MPRIP: variants seen among roughly 807,000 people sequenced by gnomAD.
MPRIP encodes the protein myosin phosphatase Rho interacting protein.
MPRIP carries 59 observed loss-of-function variants against 234.9 expected under a neutral mutation model. The ratio of observed to expected loss-of-function variants is 0.25; its 90% confidence interval spans 0.20 to 0.31. MPRIP has a LOEUF of 0.31. MPRIP is among the 10% of genes least tolerant of loss of function. The pLI is 1.00. For missense variants in MPRIP, 2,436 were observed against 3,071.0 expected, an observed-to-expected ratio of 0.79 and a Z score of 4.89; for synonymous variants, 1,144 against 1,263.9, an observed-to-expected ratio of 0.91 and a Z score of 2.01.
intron 4 of MPRIP, among the ~76,000 whole-genome samples, chr17:17,130,989 G>A (rs950778070): frequency 1.1e-4 from 16 of 152,160 alleles, no homozygotes; most frequent in South Asian, 2.1e-4. Flanking sequence ...ATCCAGAGTC[G>A]TCCTGCTGGC....
chr17:17,063,596 C>T (rs975258008), intron 1 of MPRIP, among the ~76,000 whole-genome samples: 4 of 152,130 alleles, frequency 2.6e-5, no homozygotes, highest in Non-Finnish European at 4.4e-5. Flanking sequence ...TTGAGGCCTG[C>T]CCTCTTTGGT....
intron 3 of MPRIP, among the ~76,000 whole-genome samples, chr17:17,103,578 A>T (rs779149520): frequency 1.9e-4 from 29 of 151,850 alleles, no homozygotes; most frequent in Non-Finnish European, 3.4e-4. Flanking sequence ...TTTTGCTGTT[A>T]AAAAAAACTG....
At chr17:17,111,933 C>T (rs1173893533) in intron 3 of MPRIP, among the ~76,000 whole-genome samples, 1 of 152,114 alleles carries the variant, frequency 6.6e-6, no homozygotes, top group Non-Finnish European at 1.5e-5. Flanking sequence ...TTTAGCTTGC[C>T]CGACTGCTTG....
intron 3 of MPRIP, among the ~76,000 whole-genome samples, chr17:17,085,375 T>C (rs1351716197): frequency 2.0e-5 from 3 of 152,170 alleles, no homozygotes; most frequent in Non-Finnish European, 4.4e-5. Context: ...ACGAGCAAGG[T>C]ATGAGGGGCT....
intron 3 of MPRIP, among the ~76,000 whole-genome samples, chr17:17,091,841 G>A (rs1404963233): frequency 6.6e-6 from 1 of 152,206 alleles, no homozygotes; most frequent in Non-Finnish European, 1.5e-5. Context: ...ATTCCGAGAT[G>A]GAGAAGAGAA....
rs7223145 is a variant in MPRIP, at chr17:17,146,112, G to A, written c.1560+20G>A. The A allele has an allele frequency of 0.017, 28,086 of 1,612,324 alleles. 3,334 individuals are homozygous for A. In the African/African-American group the frequency reaches 0.29, roughly 17 times the overall value. ...GGCCAGGTGAGTGTGCAGGGTTGCC[G>A]TGGCCCCTGAGGGATCTGGGGACAG... On this transcript the variant is annotated intron_variant, in intron 10 of 23. Coordinates refer to ENST00000651222, the MANE Select transcript of MPRIP (RefSeq NM_001364716.4).
At chr17:17,051,813 C>T (rs2088550655) in intron 1 of MPRIP, among the ~76,000 whole-genome samples, 1 of 152,226 alleles carries the variant, frequency 6.6e-6, no homozygotes, top group Admixed American at 6.5e-5. Flanking sequence ...CAGTCAGGGT[C>T]ATCCTAGTTC....
intron 3 of MPRIP, among the ~76,000 whole-genome samples, chr17:17,109,106 C>G (rs1339951532): frequency 6.6e-6 from 1 of 152,252 alleles, no homozygotes; most frequent in Non-Finnish European, 1.5e-5. Flanking sequence ...CCCCTCCCTT[C>G]TTATCCAAAC....
At chr17:17,171,338 C>T (rs2046129693) in intron 16 of MPRIP, 1 of 182,908 alleles carries the variant, frequency 5.5e-6, no homozygotes, top group Admixed American at 5.5e-5. Flanking sequence ...CCTCTGCCCA[C>T]GTGCTCTCTC....
intron 2 of MPRIP, chr17:17,077,752 TAAAA>T (rs10560581): frequency 0.03 from 9,229 of 303,794 alleles, 67 homozygotes; most frequent in African/African-American, 0.065. Context: ...TTCCAAGTGT[TAAAA>T]AAAAAAAAAA....
rs1597705325 is a variant in MPRIP at position 17,045,806 on chromosome 17, A to AT, written c.123+2835_123+2836insT. 2.2e-5 allele frequency among the ~76,000 whole-genome samples: 3 copies of AT among 135,352 alleles called. No homozygotes were observed. The East Asian group carries it at 6.5e-4, about 29-fold the overall frequency. The allele number at this position is 135,352 out of a possible 152,430, so 88.8% of individuals were successfully genotyped here. ...CAGCGACATACGGACCCAAATATAC[A>AT]GTTTTTTTTTTTTTTTTGAGGCGGA... is the stretch of plus-strand genomic sequence containing the variant. On this transcript the variant is annotated intron_variant, in intron 1 of 23. Transcript: ENST00000651222.
intron 12 of MPRIP, among the ~76,000 whole-genome samples, chr17:17,153,563 A>T (rs1197193822): frequency 6.6e-6 from 1 of 151,338 alleles, no homozygotes. Flanking sequence ...CGCCCAAAAC[A>T]GGCTCCTCCC....
intron 4 of MPRIP, 84 bp from the exon 5 acceptor site, chr17:17,131,533 C>T (rs1182891117): frequency 2.5e-6 from 3 of 1,197,990 alleles, no homozygotes; most frequent in East Asian, 2.3e-5. Context: ...CTGCTCTACT[C>T]CTGGACCACC....
At chr17:17,143,428 G>A (rs2045375063) in intron 8 of MPRIP, 128 bp from the exon 9 acceptor site, 3 of 560,208 alleles carry the variant, frequency 5.4e-6, no homozygotes, top group Non-Finnish European at 9.1e-6. Context: ...ATGGTGGCTA[G>A]GCAGATCACT....
At chr17:17,124,577 G>A (rs1482048744) in intron 3 of MPRIP, among the ~76,000 whole-genome samples, 2 of 152,170 alleles carry the variant, frequency 1.3e-5, no homozygotes, top group Non-Finnish European at 2.9e-5. Context: ...CCTCCACAGT[G>A]GTTCCTTCAG....
At chr17:17,081,472 G>A (rs2089461186) in intron 3 of MPRIP, among the ~76,000 whole-genome samples, 1 of 152,230 alleles carries the variant, frequency 6.6e-6, no homozygotes, top group South Asian at 2.1e-4. Context: ...AGGGAGATTA[G>A]CAATGTAGTG....
intron 17 of MPRIP, among the ~76,000 whole-genome samples, chr17:17,172,285 C>T (rs185442141): frequency 8.5e-5 from 13 of 152,386 alleles, no homozygotes; most frequent in African/African-American, 2.9e-4. Context: ...TAAACAAGCA[C>T]GTCCCCTCCG....
intron 8 of MPRIP, among the ~76,000 whole-genome samples, chr17:17,143,045 C>T (rs181676283): frequency 6.6e-6 from 1 of 152,348 alleles, no homozygotes; most frequent in East Asian, 1.9e-4. Flanking sequence ...AGCAACAAGG[C>T]TGAATGTCAC....
intron 3 of MPRIP, among the ~76,000 whole-genome samples, chr17:17,090,323 C>T (rs2089685674): frequency 6.6e-6 from 1 of 152,216 alleles, no homozygotes; most frequent in Non-Finnish European, 1.5e-5. Context: ...CGGCCCCAAC[C>T]CGTCCCCTGT....
Sources: allele counts gnomAD v4.1 joint callset (sites outside exome capture counted in the v4.1 genomes callset), GRCh38; gene constraint gnomAD v4.1.1; transcripts MANE v1.5; gene names NCBI Gene and HGNC (gene_info 2026-07-23, HGNC 2026-07-21).